Variants in OSBPL11 observed in about 807,000 individuals in gnomAD.
OSBPL11 encodes oxysterol binding protein like 11.
Under a neutral mutation model 84.4 loss-of-function variants are expected in OSBPL11, and 33 were observed. That is an observed-to-expected ratio of 0.39 (90% confidence interval 0.30 to 0.52). The LOEUF (loss-of-function observed/expected upper bound fraction) is 0.52, where lower values mean the gene tolerates loss of function less well. Ranked by LOEUF, OSBPL11 falls within the 20% of genes least tolerant of loss-of-function variation. OSBPL11 has a pLI of 0.72. For synonymous variants in OSBPL11, 276 were observed against 310.2 expected, an observed-to-expected ratio of 0.89 and a Z score of 1.16; for missense variants, 736 against 901.1, an observed-to-expected ratio of 0.82 and a Z score of 2.35.
chr3:125,569,617 C>T (rs1453748770), intron 5 of OSBPL11, among the ~76,000 whole-genome samples: 1 of 152,170 alleles, frequency 6.6e-6, no homozygotes, highest in Non-Finnish European at 1.5e-5. Context: ...TATGATCCAA[C>T]AATTACACTC....
chr3:125,563,795 T>G lies in OSBPL11; in HGVS notation c.917A>C (p.Tyr306Ser), dbSNP rs754493013. 1 of 1,614,216 alleles carries G rather than the reference T, an allele frequency of 6.2e-7. No homozygotes were observed. Among genetic ancestry groups the G allele is most frequent in the Non-Finnish European group, 8.5e-7 (1 of 1,180,022 alleles). The change falls in exon 7 of 13, where the codon TAT becomes TCT. Residue 306 changes from tyrosine (Y) to serine (S), a missense_variant. Physicochemically the swap from Tyr to Ser is moderately radical, Grantham distance 144. Around this residue, in one of 3 missense-constraint regions of OSBPL11, gnomAD observed 579 missense variants for 717.6 expected, o/e 0.81. Transcript: ENST00000296220. ...AAAGGGCTGGTCAGCTCCATTTTTA[T>G]AGTGGTTTGATAAAGATATCTTTGG... is the stretch of plus-strand genomic sequence containing the variant. ...LEPKISLSNH[Y>S]KNGADQPFAT...
At position 125,565,545 on chromosome 3, in the gene OSBPL11, G is replaced by A. The variant is rs529027569; in HGVS notation, c.869-1702C>T. On this transcript the variant is annotated intron_variant, in intron 6 of 12. Transcript: ENST00000296220. ...AAACGTATATTTTCCAATAACAACA[G>A]GGCAAAAGAAACAAAAACTAAGAAG... Among the ~76,000 whole-genome samples the A allele has an allele frequency of 1.2e-4, 18 of 152,184 alleles. No individual in the cohort carries two copies. The East Asian group carries it at 3.3e-3, about 28-fold the overall frequency.
intron 3 of OSBPL11, among the ~76,000 whole-genome samples, chr3:125,579,607 T>C (rs1936389673): frequency 6.6e-6 from 1 of 152,202 alleles, no homozygotes; most frequent in African/African-American, 2.4e-5. Context: ...TTTCTAGATT[T>C]TCAGTAATCA....
rs746352310 is a variant in OSBPL11, at chr3:125,530,482, A to T, written c.*33T>A. The T allele has an allele frequency of 6.3e-7, 1 of 1,584,750 alleles. No homozygotes were observed. The highest frequency in any genetic ancestry group is 1.1e-5 in the South Asian group (1 of 90,380). ...GGAGGATTTAGGGTAAACAGAGAAG[A>T]ACCTCATTTGGTCGAGTTTTAGATA... On this transcript the variant is annotated 3_prime_UTR_variant, in exon 13 of 13. Transcript: ENST00000296220.
rs1429671770 is a variant in OSBPL11 at position 125,595,432 on chromosome 3, G to A, written c.-632C>T. ...CAACTTCCTCTTATGCCCCTGGCCC[G>A]GGCCCTCGACTGGGTTCCCAGGAGC... On this transcript the variant is annotated 5_prime_UTR_variant, in exon 1 of 13. Coordinates refer to ENST00000296220, the MANE Select transcript of OSBPL11 (RefSeq NM_022776.5). Among the ~76,000 whole-genome samples the A allele has an allele frequency of 1.3e-5, 2 of 152,174 alleles. No homozygotes were observed. The highest frequency in any genetic ancestry group is 2.9e-5 in the Non-Finnish European group (2 of 68,024).
chr3:125,569,060 T>A (rs759231867), intron 5 of OSBPL11, among the ~76,000 whole-genome samples: 1 of 152,116 alleles, frequency 6.6e-6, no homozygotes, highest in Non-Finnish European at 1.5e-5. Context: ...GGCTCTCACC[T>A]CAGCCTCCCG....
chr3:125,561,716 G>A (rs900204300), intron 7 of OSBPL11, among the ~76,000 whole-genome samples: 5 of 152,180 alleles, frequency 3.3e-5, no homozygotes, highest in African/African-American at 1.2e-4. Flanking sequence ...AATTTACACT[G>A]CATTCTATGG....
intron 7 of OSBPL11, 119 bp downstream of exon 7, chr3:125,563,579 T>C (rs1936108963): frequency 2.1e-6 from 2 of 952,526 alleles, no homozygotes; most frequent in Non-Finnish European, 1.6e-6. Context: ...TTTAGAATCT[T>C]CAAGAGTGTT....
chr3:125,588,591 T>C (rs1464661421), intron 1 of OSBPL11, among the ~76,000 whole-genome samples: 2 of 152,198 alleles, frequency 1.3e-5, no homozygotes, highest in Non-Finnish European at 2.9e-5. Context: ...GCAAGTCACA[T>C]GTCAAAATCC....
At chr3:125,586,758 G>A (rs6770427) in intron 1 of OSBPL11, among the ~76,000 whole-genome samples, 38 of 152,110 alleles carry the variant, frequency 2.5e-4, no homozygotes, top group African/African-American at 8.2e-4. Context: ...CTCGTGATCC[G>A]CCTGCCTCGG....
intron 8 of OSBPL11, among the ~76,000 whole-genome samples, chr3:125,557,127 G>C (rs192364233): frequency 1.3e-4 from 20 of 152,176 alleles, no homozygotes; most frequent in African/African-American, 4.6e-4. Context: ...ATTTTCTTTA[G>C]TTTTCTAAAA....
chr3:125,553,421 C>T (rs1935943378), intron 8 of OSBPL11, among the ~76,000 whole-genome samples: 1 of 152,108 alleles, frequency 6.6e-6, no homozygotes, highest in Non-Finnish European at 1.5e-5. Flanking sequence ...TAATCTTAAG[C>T]ACAAGAGAAC....
chr3:125,567,864 C>G (rs1936183006), intron 5 of OSBPL11, among the ~76,000 whole-genome samples: 1 of 151,016 alleles, frequency 6.6e-6, no homozygotes, highest in South Asian at 2.1e-4. Flanking sequence ...CCTGGTGGCA[C>G]ATGCCTGTAG....
intron 1 of OSBPL11, among the ~76,000 whole-genome samples, chr3:125,584,992 C>G (rs970933535): frequency 6.6e-6 from 1 of 152,130 alleles, no homozygotes; most frequent in African/African-American, 2.4e-5. Flanking sequence ...GTTGCCCAGG[C>G]TGCTCTCAAA....
intron 11 of OSBPL11, among the ~76,000 whole-genome samples, chr3:125,536,297 A>G (rs912518820): frequency 1.1e-4 from 17 of 152,206 alleles, no homozygotes; most frequent in Non-Finnish European, 5.9e-5. Flanking sequence ...AAGAATGTCA[A>G]TATTTTTTCA....
At chr3:125,548,794 T>C (rs185207207) in intron 9 of OSBPL11, among the ~76,000 whole-genome samples, 8 of 152,124 alleles carry the variant, frequency 5.3e-5, no homozygotes, top group Admixed American at 2.6e-4. Context: ...ATATGATAAA[T>C]ATTTTAATAT....
intron 8 of OSBPL11, among the ~76,000 whole-genome samples, chr3:125,558,345 C>A (rs1936023520): frequency 6.6e-6 from 1 of 152,184 alleles, no homozygotes; most frequent in Non-Finnish European, 1.5e-5. Context: ...ACCAATTTCA[C>A]AACTATGAGG....
rs112889798 is a variant in OSBPL11 at position 125,568,347 on chromosome 3, C to T, written c.667-752G>A. Reference sequence around the variant, plus strand: ...TTGGGAGGCTGAGGCAGAAGAATGGCGTGAACCTGGGAGACGGAGCTTGCA... The same window carrying T: ...TTGGGAGGCTGAGGCAGAAGAATGGTGTGAACCTGGGAGACGGAGCTTGCA... On this transcript the variant is annotated intron_variant, in intron 5 of 12. Transcript: ENST00000296220. Among the ~76,000 whole-genome samples the T allele has an allele frequency of 8.7e-3, 1,316 of 150,834 alleles. 17 individuals are homozygous for T. Among genetic ancestry groups the T allele is most frequent in the African/African-American group, 0.03 (1,233 of 41,066 alleles).
intron 11 of OSBPL11, among the ~76,000 whole-genome samples, chr3:125,532,473 T>C (rs949421029): frequency 2.0e-5 from 3 of 151,868 alleles, no homozygotes; most frequent in African/African-American, 4.8e-5. Flanking sequence ...GCAGTGATCC[T>C]TGAGAAAGGA....
Sources: gnomAD v4.1 joint callset for allele counts (sites outside exome capture counted in the v4.1 genomes callset) on GRCh38, gnomAD v4.1.1 for gene constraint, gnomAD v4.1.1 regional missense constraint, MANE v1.5 for transcripts, NCBI Gene and HGNC (gene_info 2026-07-23, HGNC 2026-07-21) for gene names.